The following KLHL20 variants were observed in gnomAD, a reference collection of about 807,000 sequenced individuals.
The protein encoded by KLHL20 is kelch like family member 20.
Under a neutral mutation model 69.5 loss-of-function variants are expected in KLHL20, and 29 were observed. That is an observed-to-expected ratio of 0.42 (90% CI 0.31 to 0.57). The LOEUF (loss-of-function observed/expected upper bound fraction) is 0.57, where lower values mean the gene tolerates loss of function less well. Ranked by LOEUF, KLHL20 falls within the 20% of genes least tolerant of loss-of-function variation. The pLI is 0.18. For synonymous variants in KLHL20, 253 were observed against 265.2 expected, an observed-to-expected ratio of 0.95 and a Z score of 0.45; for missense variants, 419 against 776.0, an observed-to-expected ratio of 0.54 and a Z score of 5.47.
At chr1:173,780,854 C>T (rs61827866) in intron 10 of KLHL20, among the ~76,000 whole-genome samples, 4,166 of 152,042 alleles carry the variant, frequency 0.027, 72 homozygotes, top group Non-Finnish European at 0.044. Context: ...CTCAGCCTCC[C>T]GAGTAGCTAG....
At chr1:173,742,867 A>G (rs1185577287) in intron 3 of KLHL20, among the ~76,000 whole-genome samples, 3 of 151,902 alleles carry the variant, frequency 2.0e-5, no homozygotes, top group East Asian at 1.9e-4. Flanking sequence ...TTGGTACTAC[A>G]GAAGAATCTA....
At chr1:173,733,259 T>C (rs1672370525) in intron 2 of KLHL20, among the ~76,000 whole-genome samples, 1 of 152,110 alleles carries the variant, frequency 6.6e-6, no homozygotes, top group South Asian at 2.1e-4. Context: ...TGGCCTCAAG[T>C]GATAAGCTTA....
chr1:173,764,443 A>C (rs952380458), intron 7 of KLHL20, among the ~76,000 whole-genome samples: 6 of 152,230 alleles, frequency 3.9e-5, no homozygotes, highest in African/African-American at 7.2e-5. Flanking sequence ...CTAGCAGCAC[A>C]ATTCACAATT....
intron 11 of KLHL20, among the ~76,000 whole-genome samples, chr1:173,783,603 C>T (rs1649003680): frequency 6.6e-6 from 1 of 152,156 alleles, no homozygotes; most frequent in African/African-American, 2.4e-5. Context: ...CACGGTGGCT[C>T]ATGCCTGTAA....
intron 9 of KLHL20, among the ~76,000 whole-genome samples, chr1:173,775,417 A>C (rs543892437): frequency 6.6e-6 from 1 of 152,180 alleles, no homozygotes; most frequent in Non-Finnish European, 1.5e-5. Flanking sequence ...CTGGATCCCA[A>C]CACGTGCCCT....
At chr1:173,765,320 G>A (rs964105876) in intron 7 of KLHL20, among the ~76,000 whole-genome samples, 8 of 152,116 alleles carry the variant, frequency 5.3e-5, no homozygotes, top group African/African-American at 1.9e-4. Flanking sequence ...TGGCTCACAC[G>A]GTGAAACCCC....
chr1:173,770,715 G>T (rs1346027719), intron 8 of KLHL20, among the ~76,000 whole-genome samples: 1 of 146,112 alleles, frequency 6.8e-6, no homozygotes, highest in East Asian at 2.0e-4. Flanking sequence ...AAAAAAACAA[G>T]AGATACCATT....
Position 173,715,068 on chromosome 1 carries a change from T to C in KLHL20, c.-52T>C, listed in dbSNP as rs569415792. ...GAGGAGGCTGCTGCAGAGAAGAAAG[T>C]GTCAGAGCCGGTAAGTGAGCCAGTC... On this transcript the variant is annotated 5_prime_UTR_variant, in exon 1 of 12. Transcript: ENST00000209884. 2.2e-4 allele frequency: 33 copies of C among 152,506 alleles called. No individual in the cohort carries two copies. Among genetic ancestry groups the C allele is most frequent in the African/African-American group, 7.7e-4 (32 of 41,534 alleles). The allele number at this position is 152,506 out of a possible 1,614,324, so 9.4% of individuals were successfully genotyped here.
At chr1:173,773,867 G>A (rs757887222) in intron 8 of KLHL20, among the ~76,000 whole-genome samples, 1 of 151,998 alleles carries the variant, frequency 6.6e-6, no homozygotes, top group Non-Finnish European at 1.5e-5. Flanking sequence ...CAAAAAATTA[G>A]CCAGGCGTGG....
At position 173,734,200 on chromosome 1, in the gene KLHL20, C is replaced by T; in HGVS notation, c.511C>T (p.Leu171=). 2 of 1,614,198 alleles carry T rather than the reference C, an allele frequency of 1.2e-6. No homozygotes were observed. Among genetic ancestry groups the T allele is most frequent in the Non-Finnish European group, 1.7e-6 (2 of 1,180,044 alleles). ...GAGACAATTAGATCCTTCTAACTGC[C>T]TGGGCATTCGGGCTTTTGCTGACAC... ...LKRQLDPSNC[L]GIRAFADTHS... Residue 171 remains leucine (L), a synonymous_variant, in exon 3 of 12, where the codon CTG becomes TTG. Coordinates refer to ENST00000209884, the MANE Select transcript of KLHL20 (RefSeq NM_014458.4).
intron 2 of KLHL20, among the ~76,000 whole-genome samples, chr1:173,721,835 C>G (rs749588083): frequency 3.3e-5 from 5 of 152,098 alleles, no homozygotes; most frequent in African/African-American, 7.2e-5. Context: ...TTTATACACT[C>G]AAATCTCCAG....
intron 7 of KLHL20, among the ~76,000 whole-genome samples, chr1:173,760,051 C>T (rs531524685): frequency 6.6e-6 from 1 of 152,204 alleles, no homozygotes; most frequent in South Asian, 2.1e-4. Context: ...AAACTTTGGA[C>T]ACACTTTTAG....
chr1:173,773,916 G>A (rs1648276944), intron 8 of KLHL20, among the ~76,000 whole-genome samples: 1 of 151,526 alleles, frequency 6.6e-6, no homozygotes, highest in Non-Finnish European at 1.5e-5. Flanking sequence ...AGGAGGCTGA[G>A]GCAGGAGAAT....
At chr1:173,773,322 C>CT (rs1186462064) in intron 8 of KLHL20, among the ~76,000 whole-genome samples, 10 of 151,302 alleles carry the variant, frequency 6.6e-5, no homozygotes, top group African/African-American at 2.4e-4. Flanking sequence ...AGTGGCTCAC[C>CT]TGTAATCCCA....
In KLHL20 at chr1:173,756,970, C is replaced by A. The variant is rs371801561; in HGVS notation, c.968-6C>A. The A allele has an allele frequency of 1.9e-6, 3 of 1,612,102 alleles. No individual in the cohort carries two copies. Among genetic ancestry groups the A allele is most frequent in the Non-Finnish European group, 2.5e-6 (3 of 1,178,718 alleles). On this transcript the variant is annotated splice_polypyrimidine_tract_variant and splice_region_variant and intron_variant, in intron 6 of 11. Transcript: ENST00000209884. Reference sequence around the variant, plus strand: ...ATTCTCTTGACCATTTCTGTTACTTCCCCAGTTGGTGGTTGGTGCAGTGGA... The same window carrying A: ...ATTCTCTTGACCATTTCTGTTACTTACCCAGTTGGTGGTTGGTGCAGTGGA...
chr1:173,750,212 CATT>C (rs1427245196), intron 3 of KLHL20, among the ~76,000 whole-genome samples: 1 of 152,160 alleles, frequency 6.6e-6, no homozygotes, highest in Admixed American at 6.5e-5. Flanking sequence ...TTGAAGCATT[CATT>C]ATTATTTCTG....
At chr1:173,729,375 A>C (rs1672141229) in intron 2 of KLHL20, among the ~76,000 whole-genome samples, 1 of 152,234 alleles carries the variant, frequency 6.6e-6, no homozygotes, top group African/African-American at 2.4e-5. Context: ...TCATTTCACG[A>C]GGCCAGCATC....
intron 10 of KLHL20, among the ~76,000 whole-genome samples, chr1:173,779,350 CTTTT>C (rs375083476): frequency 1.5e-5 from 2 of 131,428 alleles, no homozygotes; most frequent in Non-Finnish European, 3.3e-5. Flanking sequence ...AGGATTTCTC[CTTTT>C]TTTTTTTTTT....
At chr1:173,779,652 T>C (rs1030802260) in intron 10 of KLHL20, among the ~76,000 whole-genome samples, 5 of 152,138 alleles carry the variant, frequency 3.3e-5, no homozygotes, top group Admixed American at 1.3e-4. Context: ...CACCTGGCTT[T>C]TAGGATTTAT....
Sources: gnomAD v4.1 joint callset for allele counts (sites outside exome capture counted in the v4.1 genomes callset) on GRCh38, gnomAD v4.1.1 for gene constraint, MANE v1.5 for transcripts, NCBI Gene and HGNC (gene_info 2026-07-23, HGNC 2026-07-21) for gene names.